The following SRPK2 variants were observed in gnomAD, a reference collection of about 807,000 sequenced individuals.
SRPK2 encodes the protein SFRS protein kinase 2.
In SRPK2, 21 loss-of-function variants were observed where a neutral mutation model predicts 90.8. The ratio of observed to expected loss-of-function variants is 0.23; its 90% CI spans 0.16 to 0.33. The LOEUF is 0.33. Ranked by LOEUF, SRPK2 falls within the 10% of genes least tolerant of loss-of-function variation. The probability of loss-of-function intolerance (pLI) is 1.00; values close to 1 mark genes in which losing one functional copy is unlikely to be tolerated. For synonymous variants in SRPK2, 288 were observed against 311.1 expected (o/e 0.93, Z 0.78); for missense variants, 620 against 869.0 (o/e 0.71, Z 3.60).
chr7:105,257,652 C>A (rs1803517942), intron 2 of SRPK2, among the ~76,000 whole-genome samples: 1 of 151,972 alleles, frequency 6.6e-6, no homozygotes, highest in African/African-American at 2.4e-5. Flanking sequence ...GGCTTGGAGC[C>A]TTTATCAGAC....
intron 2 of SRPK2, among the ~76,000 whole-genome samples, chr7:105,216,231 AT>A (rs1797444337): frequency 6.6e-6 from 1 of 152,208 alleles, no homozygotes; most frequent in African/African-American, 2.4e-5. Flanking sequence ...TTCTACATGT[AT>A]TAATATGAAA....
At chr7:105,387,520 T>C (rs1249938450) in intron 2 of SRPK2, among the ~76,000 whole-genome samples, 1 of 151,696 alleles carries the variant, frequency 6.6e-6, no homozygotes, top group African/African-American at 2.4e-5. Flanking sequence ...CTTTTTTTTT[T>C]TTTTTTAAGG....
chr7:105,384,046 C>A (rs1179232896), intron 2 of SRPK2, among the ~76,000 whole-genome samples: 1 of 151,860 alleles, frequency 6.6e-6, no homozygotes, highest in Non-Finnish European at 1.5e-5. Context: ...AACGGCTGCA[C>A]AATTTAATGA....
chr7:105,389,137 C>G (rs1367259902), upstream of SRPK2: 2 of 1,002,718 alleles, frequency 2.0e-6, no homozygotes, highest in Non-Finnish European at 2.4e-6. Context: ...GCCCGCGGCC[C>G]GGGCCTCCGC....
At chr7:105,248,436 TAAAA>T (rs56040288) in intron 2 of SRPK2, among the ~76,000 whole-genome samples, 1 of 127,874 alleles carries the variant, frequency 7.8e-6, no homozygotes, top group Non-Finnish European at 1.6e-5. Context: ...ACAAAAAATT[TAAAA>T]AAAAAAAAAA....
intron 15 of SRPK2, among the ~76,000 whole-genome samples, chr7:105,120,915 A>T (rs992194457): frequency 2.6e-5 from 4 of 152,244 alleles, no homozygotes; most frequent in East Asian, 1.9e-4. Context: ...AGCCAGCTCC[A>T]GCCCTGCAGA....
At chr7:105,316,827 G>T (rs1025264929) in intron 2 of SRPK2, among the ~76,000 whole-genome samples, 2 of 152,256 alleles carry the variant, frequency 1.3e-5, no homozygotes, top group Middle Eastern at 3.4e-3. Context: ...TACTTACTAG[G>T]TTCTATGACC....
chr7:105,169,308 A>G (rs1480521325), intron 3 of SRPK2, 43 bp from the exon 4 acceptor site: 2 of 1,445,478 alleles, frequency 1.4e-6, no homozygotes, highest in Non-Finnish European at 1.9e-6. Context: ...AAATATTCGA[A>G]AAGTAGTAAT....
chr7:105,247,721 A>T (rs200060987), intron 2 of SRPK2, among the ~76,000 whole-genome samples: 20 of 13,264 alleles, frequency 1.5e-3, no homozygotes, highest in East Asian at 0.01. Flanking sequence ...TATTTTTTTT[A>T]AAAAAAAGTT....
intron 2 of SRPK2, among the ~76,000 whole-genome samples, chr7:105,384,248 A>G (rs756925868): frequency 6.6e-6 from 1 of 152,246 alleles, no homozygotes; most frequent in Non-Finnish European, 1.5e-5. Context: ...ATTTGTGACT[A>G]AACAGCACTA....
chr7:105,376,312 A>G (rs2132548141), intron 2 of SRPK2, among the ~76,000 whole-genome samples: 1 of 151,450 alleles, frequency 6.6e-6, no homozygotes, highest in Admixed American at 6.6e-5. Context: ...TTCATTTCTT[A>G]AAACACACAC....
chr7:105,259,665 A>G (rs1803909693), intron 2 of SRPK2, among the ~76,000 whole-genome samples: 1 of 152,248 alleles, frequency 6.6e-6, no homozygotes, highest in Non-Finnish European at 1.5e-5. Context: ...CCAAAACAGC[A>G]TGGTACTGGT....
intron 2 of SRPK2, among the ~76,000 whole-genome samples, chr7:105,326,931 T>C (rs944463988): frequency 6.6e-6 from 1 of 151,814 alleles, no homozygotes; most frequent in African/African-American, 2.4e-5. Flanking sequence ...GGAGTGGTGG[T>C]GGGAGCCTGT....
chr7:105,337,172 A>G (rs1184575549), intron 2 of SRPK2, among the ~76,000 whole-genome samples: 1 of 152,140 alleles, frequency 6.6e-6, no homozygotes, highest in Non-Finnish European at 1.5e-5. Context: ...TATGTAATAA[A>G]TGCATGATTG....
At chr7:105,310,738 A>C (rs4730076) in intron 2 of SRPK2, among the ~76,000 whole-genome samples, 131,423 of 152,202 alleles carry the variant, frequency 0.86, 56,828 homozygotes, top group East Asian at 0.97. Flanking sequence ...CTATATATTT[A>C]TTTTCCATCT....
At chr7:105,288,305 A>T (rs1482911763) in intron 2 of SRPK2, among the ~76,000 whole-genome samples, 1 of 152,146 alleles carries the variant, frequency 6.6e-6, no homozygotes, top group Non-Finnish European at 1.5e-5. Context: ...GTAAGTAAAC[A>T]AACAAACAAG....
intron 2 of SRPK2, among the ~76,000 whole-genome samples, chr7:105,228,191 A>G (rs575263739): frequency 5.9e-5 from 9 of 152,134 alleles, no homozygotes; most frequent in Non-Finnish European, 1.3e-4. Context: ...ACCCAGCCCA[A>G]TCTCCTAATT....
chr7:105,180,553 C>T (rs1313707477), intron 3 of SRPK2, among the ~76,000 whole-genome samples: 3 of 152,122 alleles, frequency 2.0e-5, no homozygotes, highest in African/African-American at 4.8e-5. Context: ...GTTGGGAGTT[C>T]GAGACCAGTC....
At chr7:105,302,981 G>A (rs1810729093) in intron 2 of SRPK2, among the ~76,000 whole-genome samples, 1 of 152,070 alleles carries the variant, frequency 6.6e-6, no homozygotes, top group Admixed American at 6.6e-5. Context: ...GGCTGAGGCA[G>A]GAGAATGGCA....
Sources: gnomAD v4.1 joint callset for allele counts (sites outside exome capture counted in the v4.1 genomes callset) on GRCh38, gnomAD v4.1.1 for gene constraint, MANE v1.5 for transcripts, NCBI Gene and HGNC (gene_info 2026-07-23, HGNC 2026-07-21) for gene names.